SLIT3: variants seen among roughly 807,000 people sequenced by gnomAD.
SLIT3 encodes the protein slit guidance ligand 3, also known as slit homolog 3 protein.
In SLIT3, 68 loss-of-function variants were observed where a neutral mutation model predicts 184.0. That is an observed-to-expected ratio of 0.37 (90% confidence interval 0.30 to 0.45). SLIT3 has a LOEUF of 0.45. Ranked by LOEUF, SLIT3 falls within the 20% of genes least tolerant of loss-of-function variation. The probability of loss-of-function intolerance (pLI) is 1.00; values close to 1 mark genes in which losing one functional copy is unlikely to be tolerated. For synonymous variants in SLIT3, 831 were observed against 828.6 expected (o/e 1.00, Z -0.05); for missense variants, 1,707 against 2,026.0 (o/e 0.84, Z 3.02).
chr5:169,235,734 T>G (rs1417761441), intron 3 of SLIT3, among the ~76,000 whole-genome samples: 5 of 152,206 alleles, frequency 3.3e-5, no homozygotes, highest in African/African-American at 1.2e-4. Context: ...ATTCAGGTAT[T>G]TTTTATGAAG....
intron 4 of SLIT3, among the ~76,000 whole-genome samples, chr5:168,911,494 G>C (rs1581203405): frequency 6.6e-6 from 1 of 152,152 alleles, no homozygotes; most frequent in East Asian, 1.9e-4. Context: ...TAAATTAAAT[G>C]CATAGCTTAG....
chr5:169,058,445 G>T (rs1384107378), intron 4 of SLIT3, among the ~76,000 whole-genome samples: 1 of 152,238 alleles, frequency 6.6e-6, no homozygotes, highest in Non-Finnish European at 1.5e-5. Context: ...AAGGAGGCAA[G>T]AGCGGCTCAG....
intron 1 of SLIT3, among the ~76,000 whole-genome samples, chr5:169,257,648 G>C (rs1766017927): frequency 7.2e-6 from 1 of 138,676 alleles, no homozygotes; most frequent in Non-Finnish European, 1.5e-5. Flanking sequence ...CTGGGTTCAA[G>C]CGATTCTCCT....
chr5:168,901,104 T>C lies in SLIT3; in HGVS notation c.414-17768A>G, dbSNP rs906070915. ...CAGGCCAGGCACAGTGGCTCACATCTGTAATCCCAGAACTTTGGGAGGCCG... is the reference window on the plus strand; with the variant it reads ...CAGGCCAGGCACAGTGGCTCACATCCGTAATCCCAGAACTTTGGGAGGCCG... On this transcript the variant is annotated intron_variant, in intron 4 of 35. Transcript: ENST00000519560. Among the ~76,000 whole-genome samples, 8 of 152,298 alleles carry C rather than the reference T, an allele frequency of 5.3e-5. No homozygotes were observed. In the East Asian group the frequency reaches 5.8e-4, roughly 11 times the overall value.
intron 3 of SLIT3, among the ~76,000 whole-genome samples, chr5:169,204,619 C>A (rs1764008024): frequency 6.6e-6 from 1 of 152,106 alleles, no homozygotes; most frequent in Non-Finnish European, 1.5e-5. Flanking sequence ...ATGGCAGTGG[C>A]CTTTGGCAGG....
chr5:168,675,528 T>C (rs920374368), intron 32 of SLIT3, among the ~76,000 whole-genome samples: 6 of 152,140 alleles, frequency 3.9e-5, no homozygotes, highest in Admixed American at 6.5e-5. Context: ...CTCACAGAAC[T>C]ATTGTGATGT....
intron 4 of SLIT3, among the ~76,000 whole-genome samples, chr5:168,910,763 A>G (rs555812285): frequency 1.3e-5 from 2 of 152,090 alleles, no homozygotes; most frequent in South Asian, 2.1e-4. Context: ...AAAAAAAGAA[A>G]AAAGAAGAAA....
intron 4 of SLIT3, among the ~76,000 whole-genome samples, chr5:169,154,631 C>T (rs1762239305): frequency 6.6e-6 from 1 of 152,234 alleles, no homozygotes; most frequent in Non-Finnish European, 1.5e-5. Context: ...CTTTATTCCT[C>T]ATTAATAAAG....
intron 26 of SLIT3, among the ~76,000 whole-genome samples, chr5:168,705,363 C>T (rs1463546614): frequency 6.6e-6 from 1 of 152,104 alleles, no homozygotes; most frequent in Non-Finnish European, 1.5e-5. Context: ...ATACATGTAC[C>T]TTATTTAGTC....
intron 4 of SLIT3, among the ~76,000 whole-genome samples, chr5:168,906,611 G>A (rs1179768749): frequency 5.9e-5 from 9 of 152,240 alleles, no homozygotes; most frequent in Middle Eastern, 3.4e-3. Context: ...AAGTGGCCTT[G>A]GGAGAAGAGG....
chr5:169,157,755 C>T (rs1419326333), intron 4 of SLIT3, among the ~76,000 whole-genome samples: 2 of 151,860 alleles, frequency 1.3e-5, no homozygotes, highest in Non-Finnish European at 2.9e-5. Flanking sequence ...AACAGCCATG[C>T]TAGAAATGTT....
chr5:168,756,993 T>C (rs1156975104), intron 16 of SLIT3, among the ~76,000 whole-genome samples: 2 of 152,176 alleles, frequency 1.3e-5, no homozygotes, highest in African/African-American at 4.8e-5. Flanking sequence ...GGATATAATT[T>C]TCCAGAAAAG....
At chr5:168,680,007 A>G (rs1389720087) in intron 32 of SLIT3, among the ~76,000 whole-genome samples, 1 of 152,236 alleles carries the variant, frequency 6.6e-6, no homozygotes, top group African/African-American at 2.4e-5. Context: ...TAAAATGGCC[A>G]ACACTCAAAA....
Position 169,191,608 on chromosome 5 carries a change from T to C in SLIT3, c.413+1871A>G, listed in dbSNP as rs534058172. Among the ~76,000 whole-genome samples the C allele has an allele frequency of 3.9e-5, 6 of 152,278 alleles. No homozygotes were observed. In the South Asian group the frequency reaches 1.2e-3, roughly 32 times the overall value. ...GGTAGGTAAAAGGGAGGAGAGGGTA[T>C]CTCCCTTTACTGATGATATTTAGAT... On this transcript the variant is annotated intron_variant, in intron 4 of 35. Coordinates refer to ENST00000519560, the MANE Select transcript of SLIT3 (RefSeq NM_003062.4).
In SLIT3 at chr5:169,169,538, T is replaced by C. The variant is rs533663082; in HGVS notation, c.413+23941A>G. 3.9e-5 allele frequency among the ~76,000 whole-genome samples: 6 copies of C among 152,334 alleles called. No individual in the cohort carries two copies. In the South Asian group the frequency reaches 1.2e-3, roughly 32 times the overall value. ...CAAAAAGGTCTGAGGCCAGGGGCCC[T>C]TGAGATGTCAAACTGGGGAGAATGG... On this transcript the variant is annotated intron_variant, in intron 4 of 35. Coordinates refer to ENST00000519560, the MANE Select transcript of SLIT3 (RefSeq NM_003062.4).
chr5:168,952,806 C>T (rs768998349), intron 4 of SLIT3, among the ~76,000 whole-genome samples: 6 of 152,154 alleles, frequency 3.9e-5, no homozygotes, highest in Admixed American at 1.3e-4. Context: ...AGGACCATTG[C>T]GATGGGTGTG....
intron 4 of SLIT3, among the ~76,000 whole-genome samples, chr5:169,163,588 A>G (rs569673530): frequency 2.0e-5 from 3 of 152,256 alleles, no homozygotes; most frequent in Admixed American, 1.3e-4. Context: ...TGCAACTTAT[A>G]TGTGTGAAAA....
chr5:168,855,345 T>C (rs759061140), intron 5 of SLIT3, among the ~76,000 whole-genome samples: 1 of 152,232 alleles, frequency 6.6e-6, no homozygotes, highest in African/African-American at 2.4e-5. Flanking sequence ...ACTTACCATA[T>C]GACCCAGCAA....
chr5:169,060,670 G>C (rs1248167416), intron 4 of SLIT3, among the ~76,000 whole-genome samples: 2 of 152,236 alleles, frequency 1.3e-5, no homozygotes, highest in African/African-American at 4.8e-5. Flanking sequence ...GTGACACAGG[G>C]TTAGCCCCTG....
Sources: gnomAD v4.1 joint callset for allele counts (sites outside exome capture counted in the v4.1 genomes callset) on GRCh38, gnomAD v4.1.1 for gene constraint, MANE v1.5 for transcripts, NCBI Gene and HGNC (gene_info 2026-07-23, HGNC 2026-07-21) for gene names.